RILPL1: variants seen among roughly 807,000 people sequenced by gnomAD.
RILPL1 encodes the protein RILP-like protein 1.
A neutral mutation model predicts 50.3 loss-of-function variants in RILPL1; 33 were observed. That is an observed-to-expected ratio of 0.66 (90% CI 0.50 to 0.88). The LOEUF is 0.88. Among genes scored for constraint, RILPL1 ranks in the 40% least tolerant of loss-of-function variants. RILPL1 has a pLI of 0.00. For synonymous variants in RILPL1, 205 were observed against 228.6 expected, an observed-to-expected ratio of 0.90 and a Z score of 0.93; for missense variants, 418 against 542.5, an observed-to-expected ratio of 0.77 and a Z score of 2.28.
chr12:123,505,711 C>T (rs1036225007), intron 2 of RILPL1, among the ~76,000 whole-genome samples: 1 of 152,212 alleles, frequency 6.6e-6, no homozygotes, highest in African/African-American at 2.4e-5. Flanking sequence ...CAACCTCTGC[C>T]TCCTGGGCTT....
intron 2 of RILPL1, among the ~76,000 whole-genome samples, chr12:123,514,933 C>CTT (rs57468238): frequency 6.9e-6 from 1 of 145,198 alleles, no homozygotes. Context: ...TACATAAATA[C>CTT]TTTTTTTTTT....
chr12:123,478,473 C>G (rs1881744863), intron 6 of RILPL1, among the ~76,000 whole-genome samples: 1 of 152,024 alleles, frequency 6.6e-6, no homozygotes, highest in African/African-American at 2.4e-5. Context: ...ACTCCCCGCT[C>G]CCCGCCAAAT....
chr12:123,499,539 G>A lies in RILPL1; in HGVS notation c.461-3C>T, dbSNP rs773996508. ...CTGTCGCTCCCGCTCTGACATGCCT[G>A]GGTGGGCAAGTGAGACCGGCAGGTG... On this transcript the variant is annotated splice_polypyrimidine_tract_variant and splice_region_variant and intron_variant, in intron 2 of 6. Transcript: ENST00000376874. The A allele has an allele frequency of 1.9e-6, 3 of 1,608,978 alleles. No individual in the cohort carries two copies. The South Asian group carries it at 3.3e-5, about 18-fold the overall frequency.
At chr12:123,484,603 C>A (rs949383447) in intron 5 of RILPL1, among the ~76,000 whole-genome samples, 1 of 151,526 alleles carries the variant, frequency 6.6e-6, no homozygotes, top group African/African-American at 2.4e-5. Context: ...CTTCCGATTT[C>A]CACCCCATCC....
At position 123,482,152 on chromosome 12, in the gene RILPL1, G is replaced by A. The variant is rs534491719; in HGVS notation, c.1067+2028C>T. On this transcript the variant is annotated intron_variant, in intron 6 of 6. Coordinates refer to ENST00000376874, the MANE Select transcript of RILPL1 (RefSeq NM_178314.5). The stretch of plus-strand genomic sequence containing the variant: ...CTCCCAAAGTGCTGGGATTACAGGC[G>A]TGAGCTACTGCGCCTGGCCTCCAAA... Among the ~76,000 whole-genome samples, 10 of 152,136 alleles carry A rather than the reference G, an allele frequency of 6.6e-5. No individual in the cohort carries two copies. The South Asian group carries it at 2.1e-3, about 32-fold the overall frequency.
At chr12:123,512,581 CTG>C (rs1229704968) in intron 2 of RILPL1, among the ~76,000 whole-genome samples, 5 of 94,480 alleles carry the variant, frequency 5.3e-5, no homozygotes, top group South Asian at 7.3e-4. Context: ...TGTGTGAGGT[CTG>C]TGTGTGGTGT....
chr12:123,509,808 T>A (rs931365517), intron 2 of RILPL1, among the ~76,000 whole-genome samples: 2 of 152,168 alleles, frequency 1.3e-5, no homozygotes, highest in South Asian at 4.1e-4. Context: ...CCCTGTGCAC[T>A]CACACAGGTT....
At chr12:123,516,446 C>G (rs1023288912) in intron 2 of RILPL1, among the ~76,000 whole-genome samples, 3 of 152,248 alleles carry the variant, frequency 2.0e-5, no homozygotes, top group Non-Finnish European at 2.9e-5. Context: ...GGCCCTCTGC[C>G]GGACCCTGCT....
At chr12:123,492,151 G>A (rs1402132632) in intron 4 of RILPL1, among the ~76,000 whole-genome samples, 2 of 151,836 alleles carry the variant, frequency 1.3e-5, no homozygotes, top group Admixed American at 6.6e-5. Context: ...GCTTGAACCC[G>A]GGAGGTGGAG....
chr12:123,500,466 G>T (rs1883309028), intron 2 of RILPL1, among the ~76,000 whole-genome samples: 1 of 150,560 alleles, frequency 6.6e-6, no homozygotes, highest in Admixed American at 6.6e-5. Flanking sequence ...TGTATTTTTA[G>T]TAGAGACAGG....
intron 4 of RILPL1, among the ~76,000 whole-genome samples, chr12:123,497,484 G>A (rs1883103142): frequency 6.6e-6 from 1 of 152,158 alleles, no homozygotes; most frequent in Admixed American, 6.5e-5. Flanking sequence ...TGCCTCCGAG[G>A]TTCAAGCAAT....
At chr12:123,512,928 C>G (rs1254710436) in intron 2 of RILPL1, among the ~76,000 whole-genome samples, 8 of 81,178 alleles carry the variant, frequency 9.9e-5, no homozygotes, top group Admixed American at 1.5e-4. Flanking sequence ...GTGGTGACAT[C>G]TGTGTGTGTG....
intron 2 of RILPL1, among the ~76,000 whole-genome samples, chr12:123,511,777 GTGT>G: frequency 7.0e-6 from 1 of 142,974 alleles, no homozygotes. Context: ...GTTTGTGTGT[GTGT>G]GGTGTGTGTG....
chr12:123,500,633 G>T (rs1395001717), intron 2 of RILPL1, among the ~76,000 whole-genome samples: 2 of 152,076 alleles, frequency 1.3e-5, no homozygotes, highest in African/African-American at 4.8e-5. Context: ...AGTGATTCAG[G>T]CTGGGCTCAA....
rs758760632 is a variant in RILPL1 at position 123,485,698 on chromosome 12, C to T, written c.909G>A (p.Leu303=). The T allele has an allele frequency of 6.2e-7, 1 of 1,613,704 alleles. No homozygotes were observed. ...RFTLQELRDV[L]HERNELKSKV... Reference sequence around the variant, plus strand: ...TGGACTTGAGCTCGTTCCTCTCGTGCAGCACGTCCCGCAGCTCCTGCAGGG... The same window carrying T: ...TGGACTTGAGCTCGTTCCTCTCGTGTAGCACGTCCCGCAGCTCCTGCAGGG... The change falls in exon 5 of 7, where the codon CTG becomes CTA. Residue 303 remains leucine (L), a synonymous_variant. Transcript: ENST00000376874. This position sits in a 1 kb window ranked among gnomAD's most constrained non-coding sequence, Gnocchi z 4.0.
Position 123,485,966 on chromosome 12 carries a change from C to T in RILPL1, c.802-161G>A, listed in dbSNP as rs1193114935. Among the ~76,000 whole-genome samples, 1 of 152,204 alleles carries T rather than the reference C, an allele frequency of 6.6e-6. No homozygotes were observed. The highest frequency in any genetic ancestry group is 2.4e-5 in the African/African-American group (1 of 41,454). ...AGGCGGCCCTTGCTCACGTTCTGTA[C>T]AGTTTCCCTCTGGAGGTGGAAGCCA... On this transcript the variant is annotated intron_variant, in intron 4 of 6. Transcript: ENST00000376874. The surrounding 1 kb of genome is among the most constrained non-coding windows in gnomAD (Gnocchi z 4.0).
chr12:123,495,236 C>T (rs1882948929), intron 4 of RILPL1, among the ~76,000 whole-genome samples: 1 of 151,926 alleles, frequency 6.6e-6, no homozygotes, highest in Admixed American at 6.6e-5. Context: ...GACAACAGCA[C>T]AGAGGAAAGC....
rs147483230 is a variant in RILPL1 at position 123,499,086 on chromosome 12, G to A, written c.580-321C>T. Among the ~76,000 whole-genome samples, 487 of 152,272 alleles carry A rather than the reference G, an allele frequency of 3.2e-3. 4 individuals are homozygous for A. The highest frequency in any genetic ancestry group is 0.02 in the Middle Eastern group (6 of 294). On this transcript the variant is annotated intron_variant, in intron 3 of 6. Transcript: ENST00000376874. ...GACACTGTATGGGTTCCTGGAGCACGCTGGACCCTGCTAAGTCTGCTCACA... is the reference window on the plus strand; with the variant it reads ...GACACTGTATGGGTTCCTGGAGCACACTGGACCCTGCTAAGTCTGCTCACA...
At chr12:123,499,346 G>A (rs1421480589) in intron 3 of RILPL1, 72 bp downstream of exon 3, 1 of 1,009,612 alleles carries the variant, frequency 9.9e-7, no homozygotes, top group Non-Finnish European at 1.6e-6. Flanking sequence ...GGCCTGCTGA[G>A]TGGAGGGTCT....
Sources: allele counts gnomAD v4.1 joint callset (sites outside exome capture counted in the v4.1 genomes callset), GRCh38; gene constraint gnomAD v4.1.1; non-coding constraint Gnocchi (gnomAD v3.1); transcripts MANE v1.5; gene names NCBI Gene and HGNC (gene_info 2026-07-23, HGNC 2026-07-21).